RBPMS: variants seen among roughly 807,000 people sequenced by gnomAD.
RBPMS encodes RNA binding protein, mRNA processing factor.
In RBPMS, 7 loss-of-function variants were observed where a neutral mutation model predicts 26.8. That is an observed-to-expected ratio of 0.26 (90% CI 0.15 to 0.49). The LOEUF (loss-of-function observed/expected upper bound fraction) is 0.49. Ranked by LOEUF, RBPMS falls within the 20% of genes least tolerant of loss-of-function variation. RBPMS has a pLI of 0.98. For synonymous variants in RBPMS, 96 were observed against 93.3 expected (o/e 1.03, Z -0.17); for missense variants, 186 against 250.0 (o/e 0.74, Z 1.73).
chr8:30,446,857 G>GCTCACGTGCA (rs1554515750), intron 1 of RBPMS: 1 of 146,114 alleles, frequency 6.8e-6, no homozygotes, highest in African/African-American at 2.6e-5. Flanking sequence ...GCGCGCGCGC[G>GCTCACGTGCA]CGGTGGAGGG....
At chr8:30,541,694 T>C (rs1211663035) in intron 5 of RBPMS, among the ~76,000 whole-genome samples, 1 of 152,142 alleles carries the variant, frequency 6.6e-6, no homozygotes, top group Non-Finnish European at 1.5e-5. Context: ...ATCTTTGTCT[T>C]CTTTTTTCAG....
chr8:30,459,503 T>C (rs1012798024), intron 1 of RBPMS, among the ~76,000 whole-genome samples: 2 of 152,146 alleles, frequency 1.3e-5, no homozygotes, highest in Non-Finnish European at 2.9e-5. Flanking sequence ...AGTGGCTCGA[T>C]TGACAGGTTC....
intron 1 of RBPMS, among the ~76,000 whole-genome samples, chr8:30,441,417 G>C (rs895386977): frequency 6.6e-6 from 1 of 152,154 alleles, no homozygotes; most frequent in African/African-American, 2.4e-5. Flanking sequence ...TCTCAAACTT[G>C]GCAGAACTAT....
chr8:30,481,676 T>G (rs562973447), intron 4 of RBPMS, among the ~76,000 whole-genome samples: 1 of 152,322 alleles, frequency 6.6e-6, no homozygotes, highest in Non-Finnish European at 1.5e-5. Flanking sequence ...CTGTCCTGTT[T>G]TGTGGGCCTG....
At chr8:30,445,609 CTA>C (rs1294986199) in intron 1 of RBPMS, among the ~76,000 whole-genome samples, 1 of 140,724 alleles carries the variant, frequency 7.1e-6, no homozygotes, top group Non-Finnish European at 1.5e-5. Flanking sequence ...TATCTTTAGT[CTA>C]TTACATGTAT....
intron 1 of RBPMS, among the ~76,000 whole-genome samples, chr8:30,442,083 C>G (rs540267731): frequency 6.6e-6 from 1 of 152,088 alleles, no homozygotes. Context: ...CCACCGCGCC[C>G]GGCCTATTTT....
At chr8:30,517,662 G>A (rs1394441969) in intron 5 of RBPMS, among the ~76,000 whole-genome samples, 1 of 152,174 alleles carries the variant, frequency 6.6e-6, no homozygotes, top group South Asian at 2.1e-4. Context: ...TTCTGCTCTT[G>A]GAGTGTTTAC....
At chr8:30,469,566 A>C (rs1816865416) in intron 1 of RBPMS, among the ~76,000 whole-genome samples, 1 of 152,264 alleles carries the variant, frequency 6.6e-6, no homozygotes. Flanking sequence ...TCTTTGGGAC[A>C]AAGCTGTCAG....
Position 30,385,370 on chromosome 8 carries a change from A to G in RBPMS, c.66+212A>G. ...TGCGGGCCCCAAATTGCGTAACTCC[A>G]AGGACTTTTCGGAGACTTTTGTAAG... On this transcript the variant is annotated intron_variant, in intron 1 of 8. Coordinates refer to ENST00000397323, the MANE Select transcript of RBPMS (RefSeq NM_001008710.3). 4 of 404,902 alleles carry G rather than the reference A, an allele frequency of 9.9e-6. No homozygotes were observed. The South Asian group carries it at 3.7e-4, about 38-fold the overall frequency. The allele number at this position is 404,902 out of a possible 1,614,324, so 25.1% of individuals were successfully genotyped here.
At chr8:30,517,481 GTCTT>G (rs1393740571) in intron 5 of RBPMS, among the ~76,000 whole-genome samples, 5 of 152,142 alleles carry the variant, frequency 3.3e-5, no homozygotes, top group East Asian at 1.9e-4. Context: ...GTGGAGGGGT[GTCTT>G]TCTGTCTTTT....
At chr8:30,411,681 A>AAAAG (rs113464008) in intron 1 of RBPMS, among the ~76,000 whole-genome samples, 85,971 of 127,522 alleles carry the variant, frequency 0.67, 29,605 homozygotes, top group Admixed American at 0.71. Flanking sequence ...AAAAAAAAAA[A>AAAAG]AAAGAAAAAG....
In RBPMS at chr8:30,450,787, C is replaced by CAAAAAAAAAAAA. The variant is rs59577795; in HGVS notation, c.67-23980_67-23969dup. Among the ~76,000 whole-genome samples the CAAAAAAAAAAAA allele has an allele frequency of 8.7e-4, 76 of 87,334 alleles. 1 individual carries two copies. Among genetic ancestry groups the CAAAAAAAAAAAA allele is most frequent in the African/African-American group, 1.7e-3 (38 of 22,616 alleles). 57.3% of individuals were successfully genotyped at this position (87,334 alleles called of 152,430 possible). On this transcript the variant is annotated intron_variant, in intron 1 of 8. Transcript: ENST00000397323. ...CTTTTGGTTTCCCACTGCCTGAAAGCAAAAAAAAAAAAAAAAAAAAAAAGT... is the reference window on the plus strand; with the variant it reads ...CTTTTGGTTTCCCACTGCCTGAAAGCAAAAAAAAAAAAAAAAAAAAAAAAAAAAAAAAAAAGT...
intron 1 of RBPMS, among the ~76,000 whole-genome samples, chr8:30,463,482 A>G (rs146624158): frequency 5.5e-4 from 84 of 152,360 alleles, no homozygotes; most frequent in African/African-American, 1.9e-3. Flanking sequence ...TATTATCACA[A>G]CATGACAACT....
chr8:30,522,661 T>C (rs1823180361), intron 5 of RBPMS, among the ~76,000 whole-genome samples: 1 of 152,212 alleles, frequency 6.6e-6, no homozygotes, highest in Admixed American at 6.5e-5. Context: ...ATATTGATTG[T>C]AGTGAGAGTT....
intron 1 of RBPMS, among the ~76,000 whole-genome samples, chr8:30,451,810 T>C (rs1814618933): frequency 6.6e-6 from 1 of 152,104 alleles, no homozygotes; most frequent in Non-Finnish European, 1.5e-5. Flanking sequence ...CTCCCAAATC[T>C]CTCCTATCTT....
chr8:30,556,925 A>G, intron 6 of RBPMS: 1 of 257,776 alleles, frequency 3.9e-6, no homozygotes, highest in Non-Finnish European at 6.1e-6. Context: ...TTTGTTCTGA[A>G]CACACTTCTA....
At chr8:30,417,897 G>A (rs1810286818) in intron 1 of RBPMS, among the ~76,000 whole-genome samples, 1 of 152,092 alleles carries the variant, frequency 6.6e-6, no homozygotes, top group Non-Finnish European at 1.5e-5. Flanking sequence ...AATTAAAAAT[G>A]TGAATTTTAT....
intron 5 of RBPMS, among the ~76,000 whole-genome samples, chr8:30,532,278 A>G (rs1382880316): frequency 1.3e-5 from 2 of 152,204 alleles, no homozygotes; most frequent in Non-Finnish European, 2.9e-5. Flanking sequence ...TCTGGTAGGT[A>G]ATGACCCCAG....
At chr8:30,562,899 A>G (rs1356615593) in intron 7 of RBPMS, among the ~76,000 whole-genome samples, 1 of 152,210 alleles carries the variant, frequency 6.6e-6, no homozygotes, top group Non-Finnish European at 1.5e-5. Flanking sequence ...TCTTAGTGCT[A>G]AAGAGAAATC....
Sources: allele counts gnomAD v4.1 joint callset (sites outside exome capture counted in the v4.1 genomes callset), GRCh38; gene constraint gnomAD v4.1.1; transcripts MANE v1.5; gene names NCBI Gene and HGNC (gene_info 2026-07-23, HGNC 2026-07-21).